The following UPB1 variants were observed in gnomAD, a reference collection of about 807,000 sequenced individuals.
The protein encoded by UPB1 is beta-ureidopropionase 1, also known as beta-ureidopropionase.
Under a neutral mutation model 49.1 loss-of-function variants are expected in UPB1, and 40 were observed. The observed-to-expected ratio is 0.81, with a 90% CI of 0.63 to 1.06. The LOEUF (loss-of-function observed/expected upper bound fraction) is 1.06. Among genes scored for constraint, UPB1 ranks in the 50% least tolerant of loss-of-function variants. The probability of loss-of-function intolerance (pLI) is 0.00; values close to 1 mark genes in which losing one functional copy is unlikely to be tolerated. For missense variants in UPB1, 499 were observed against 505.9 expected (o/e 0.99, Z 0.13); for synonymous variants, 207 against 198.2 (o/e 1.04, Z -0.38).
intron 6 of UPB1, chr22:24,519,667 A>C (rs1157707368): frequency 2.0e-5 from 3 of 152,772 alleles, no homozygotes; most frequent in Non-Finnish European, 2.9e-5. Context: ...GGAAATGGGA[A>C]GTCACTGGGA....
In UPB1 at chr22:24,515,288, C is replaced by T. The variant is rs778901070; in HGVS notation, c.709C>T (p.His237Tyr). ...RIAVNICYGR[H>Y]HPLNWLMYSI... Reference sequence around the variant, plus strand: ...CGCGGTGAACATTTGCTACGGGCGGCACCACCCCCTCAACTGGCTTATGTA... The same window carrying T: ...CGCGGTGAACATTTGCTACGGGCGGTACCACCCCCTCAACTGGCTTATGTA... Residue 237 changes from histidine (H) to tyrosine (Y), a missense_variant, in exon 6 of 10, where the codon CAC becomes TAC. Transcript: ENST00000326010. 6.2e-7 allele frequency: 1 copy of T among 1,614,042 alleles called. No homozygotes were observed. Among genetic ancestry groups the T allele is most frequent in the Admixed American group, 1.7e-5 (1 of 59,984 alleles).
chr22:24,507,598 G>A (rs151092950), intron 3 of UPB1, among the ~76,000 whole-genome samples: 21 of 152,254 alleles, frequency 1.4e-4, no homozygotes, highest in African/African-American at 4.6e-4. Flanking sequence ...AGGAGTAAAG[G>A]TTCTCAGTGG....
At chr22:24,506,595 G>T (rs1432016315) in intron 3 of UPB1, among the ~76,000 whole-genome samples, 1 of 152,182 alleles carries the variant, frequency 6.6e-6, no homozygotes, top group East Asian at 1.9e-4. Context: ...TGTTAATGGG[G>T]TTTCAGGAAA....
At chr22:24,516,608 C>T (rs945967145) in intron 6 of UPB1, 3 of 152,256 alleles carry the variant, frequency 2.0e-5, no homozygotes, top group African/African-American at 7.2e-5. Flanking sequence ...GGGGTGTGCC[C>T]TGTCCTGCCA....
At chr22:24,518,698 T>G (rs962424853) in intron 6 of UPB1, among the ~76,000 whole-genome samples, 5 of 152,230 alleles carry the variant, frequency 3.3e-5, no homozygotes, top group Non-Finnish European at 5.9e-5. Context: ...CAGTTCTAAG[T>G]ACATAGTAGT....
chr22:24,515,499 C>G, intron 6 of UPB1, 129 bp downstream of exon 6: 1 of 1,278,272 alleles, frequency 7.8e-7, no homozygotes, highest in Non-Finnish European at 1.1e-6. Context: ...GCTGAGCCCC[C>G]AGGATTGCAT....
intron 4 of UPB1, among the ~76,000 whole-genome samples, chr22:24,512,103 G>A (rs2044216884): frequency 6.6e-6 from 1 of 151,844 alleles, no homozygotes; most frequent in South Asian, 2.1e-4. Flanking sequence ...ACTCAGTTGT[G>A]ATTCCAAACA....
chr22:24,513,369 C>T lies in UPB1; in HGVS notation c.505C>T (p.Arg169Ter), dbSNP rs770644036. The change falls in exon 5 of 10, where the codon CGA becomes TGA. Residue 169 changes from arginine (R) to a stop codon, truncating the protein, a stop_gained. Transcript: ENST00000326010. LOFTEE classifies it high-confidence loss of function. ...DMVVVSPILE[R>*]DSEHGDVLWN... ...GGTGGTGGTGTCTCCCATCCTGGAA[C>T]GAGACAGCGAGCATGGGGATGTTTT... The T allele has an allele frequency of 1.4e-5, 22 of 1,614,158 alleles. No individual in the cohort carries two copies. The highest frequency in any genetic ancestry group is 5.0e-5 in the Admixed American group (3 of 60,018).
At chr22:24,497,198 T>C (rs2043907694) in intron 1 of UPB1, among the ~76,000 whole-genome samples, 1 of 152,246 alleles carries the variant, frequency 6.6e-6, no homozygotes, top group South Asian at 2.1e-4. Context: ...AAATACAGAA[T>C]GATACCATTG....
At position 24,496,372 on chromosome 22, in the gene UPB1, A is replaced by AACACACACACACAC. The variant is rs60159909; in HGVS notation, c.104+883_104+896dup. On this transcript the variant is annotated intron_variant, in intron 1 of 9. Coordinates refer to ENST00000326010, the MANE Select transcript of UPB1 (RefSeq NM_016327.3). ...GGAGTCAGAGTGAGGCCCTGTCTCA[A>AACACACACACACAC]ACACACACACACACACACACACACA... 1.7e-3 allele frequency among the ~76,000 whole-genome samples: 242 copies of AACACACACACACAC among 141,614 alleles called. 2 individuals are homozygous for AACACACACACACAC. Among genetic ancestry groups the AACACACACACACAC allele is most frequent in the African/African-American group, 5.8e-3 (217 of 37,148 alleles). 92.9% of individuals were successfully genotyped at this position (141,614 alleles called of 152,430 possible). A position where few individuals can be genotyped will look rare whatever the true frequency, so the allele number is the denominator to read the frequency against.
chr22:24,495,577 G>A, intron 1 of UPB1, 70 bp downstream of exon 1: 1 of 1,562,254 alleles, frequency 6.4e-7, no homozygotes, highest in Non-Finnish European at 8.8e-7. Flanking sequence ...GAGCAGGCAG[G>A]GAGGGCCTCA....
intron 3 of UPB1, among the ~76,000 whole-genome samples, chr22:24,508,292 C>T (rs1366285512): frequency 6.6e-6 from 1 of 152,240 alleles, no homozygotes; most frequent in African/African-American, 2.4e-5. Context: ...GATGTGGTGG[C>T]TCACGCCTGT....
At chr22:24,521,907 T>G (rs1308827288) in intron 7 of UPB1, 79 bp from the exon 8 acceptor site, 7 of 1,480,904 alleles carry the variant, frequency 4.7e-6, no homozygotes, top group Non-Finnish European at 5.6e-6. Context: ...ATTGCCCTGC[T>G]CATCTGGCTG....
chr22:24,520,564 G>A (rs980109123), intron 7 of UPB1, 96 bp downstream of exon 7: 1 of 1,384,664 alleles, frequency 7.2e-7, no homozygotes. Context: ...AAATCCTAGG[G>A]TCCGGAAAGG....
chr22:24,510,617 A>G, intron 3 of UPB1, 132 bp from the exon 4 acceptor site: 1 of 939,910 alleles, frequency 1.1e-6, no homozygotes, highest in Non-Finnish European at 1.7e-6. Context: ...AGCCAGGAAC[A>G]GGACCCAGAA....
At chr22:24,511,044 G>A (rs2044191037) in intron 4 of UPB1, among the ~76,000 whole-genome samples, 1 of 152,114 alleles carries the variant, frequency 6.6e-6, no homozygotes, top group African/African-American at 2.4e-5. Context: ...GGCTCCAGAA[G>A]GGCCATTAGC....
In UPB1 at chr22:24,510,995, CTT is replaced by C. The variant is rs140325; in HGVS notation, c.459+161_459+162del. 7.5e-3 allele frequency: 4,937 copies of C among 659,290 alleles called. 115 individuals carry two copies. The highest frequency in any genetic ancestry group is 0.064 in the African/African-American group (3,545 of 55,280). 40.8% of individuals were successfully genotyped at this position (659,290 alleles called of 1,614,324 possible). A position where few individuals can be genotyped will look rare whatever the true frequency, so the allele number is the denominator to read the frequency against. ...TAAGATTAGATAAGACTATCTGCCA[CTT>C]TTTTTTTTAGCGTACTCTTAGAATT... On this transcript the variant is annotated intron_variant, in intron 4 of 9. Coordinates refer to ENST00000326010, the MANE Select transcript of UPB1 (RefSeq NM_016327.3).
chr22:24,500,437 C>A (rs1320953630), intron 2 of UPB1, among the ~76,000 whole-genome samples, 159 bp downstream of exon 2: 1 of 152,276 alleles, frequency 6.6e-6, no homozygotes, highest in Admixed American at 6.5e-5. Flanking sequence ...CCACATCCCT[C>A]CAGCCTGCAT....
chr22:24,500,194 G>A lies in UPB1; in HGVS notation c.192G>A (p.Glu64=), dbSNP rs1379218384. ...GATATGCCTTTGAAGCAGCGGAGGAGCAGCTGAGACGACCCCGCATTGTGC... is the reference window on the plus strand; with the variant it reads ...GATATGCCTTTGAAGCAGCGGAGGAACAGCTGAGACGACCCCGCATTGTGC... ...LQGYAFEAAE[E]QLRRPRIVHV... is the part of the protein sequence containing the mutation. Residue 64 remains glutamate (E), a synonymous_variant, in exon 2 of 10, where the codon GAG becomes GAA. Coordinates refer to ENST00000326010, the MANE Select transcript of UPB1 (RefSeq NM_016327.3). 3 of 1,614,124 alleles carry A rather than the reference G, an allele frequency of 1.9e-6. No individual in the cohort carries two copies. Among genetic ancestry groups the A allele is most frequent in the Middle Eastern group, 1.6e-4 (1 of 6,084 alleles).
Sources: gnomAD v4.1 joint callset for allele counts (sites outside exome capture counted in the v4.1 genomes callset) on GRCh38, gnomAD v4.1.1 for gene constraint, MANE v1.5 for transcripts, NCBI Gene and HGNC (gene_info 2026-07-23, HGNC 2026-07-21) for gene names.